The following AMOTL1 variants were observed in gnomAD, a reference collection of about 807,000 sequenced individuals.
AMOTL1 encodes angiomotin like 1, also known as angiomotin-like protein 1.
Under a neutral mutation model 102.9 loss-of-function variants are expected in AMOTL1, and 45 were observed. The observed-to-expected ratio is 0.44, with a 90% CI of 0.34 to 0.56. AMOTL1 has a LOEUF of 0.56. AMOTL1 is among the 20% of genes least tolerant of loss of function. The probability of loss-of-function intolerance (pLI) is 0.01; values close to 1 mark genes in which losing one functional copy is unlikely to be tolerated. For synonymous variants in AMOTL1, 481 were observed against 484.7 expected, an observed-to-expected ratio of 0.99 and a Z score of 0.10; for missense variants, 1,114 against 1,225.6, an observed-to-expected ratio of 0.91 and a Z score of 1.36.
chr11:94,775,211 G>A (rs1951009281), intron 1 of AMOTL1, among the ~76,000 whole-genome samples: 2 of 152,152 alleles, frequency 1.3e-5, no homozygotes, highest in African/African-American at 4.8e-5. Context: ...CTGACTGACG[G>A]TAAGTTTCAT....
At chr11:94,781,011 T>A (rs1345010879) in intron 1 of AMOTL1, among the ~76,000 whole-genome samples, 1 of 152,190 alleles carries the variant, frequency 6.6e-6, no homozygotes, top group Non-Finnish European at 1.5e-5. Flanking sequence ...TCCCCTTCAG[T>A]CATCATGTCT....
chr11:94,799,385 T>C lies in AMOTL1; in HGVS notation c.200-5T>C, dbSNP rs993078947. On this transcript the variant is annotated splice_polypyrimidine_tract_variant and splice_region_variant and intron_variant, in intron 2 of 12. Coordinates refer to ENST00000433060, the MANE Select transcript of AMOTL1 (RefSeq NM_130847.3). The surrounding 1 kb of genome is among the most constrained non-coding windows in gnomAD (Gnocchi z 4.5). ...GATATCTTTTTTCCTATGTTTATCT[T>C]TTAGTTGAAGATCCTCTTTGTAACT... 3.9e-6 allele frequency: 6 copies of C among 1,551,520 alleles called. No individual in the cohort carries two copies. The highest frequency in any genetic ancestry group is 4.4e-6 in the Non-Finnish European group (5 of 1,145,970).
intron 1 of AMOTL1, among the ~76,000 whole-genome samples, chr11:94,775,090 C>T (rs552863311): frequency 6.6e-6 from 1 of 152,094 alleles, no homozygotes; most frequent in Non-Finnish European, 1.5e-5. Context: ...TATTGTGTGG[C>T]TTAAATGACA....
chr11:94,754,549 T>C (rs999861939), intron 3 of AMOTL1, among the ~76,000 whole-genome samples: 1 of 152,216 alleles, frequency 6.6e-6, no homozygotes, highest in African/African-American at 2.4e-5. Flanking sequence ...TCCTTAAATT[T>C]GGCTCAGTAG....
chr11:94,861,261 C>T (rs147779450), intron 9 of AMOTL1, among the ~76,000 whole-genome samples: 1 of 152,148 alleles, frequency 6.6e-6, no homozygotes, highest in African/African-American at 2.4e-5. Flanking sequence ...AGTTCAGTCC[C>T]TGCAGTATAT....
chr11:94,794,716 T>C (rs1410136048), intron 1 of AMOTL1, among the ~76,000 whole-genome samples: 2 of 152,236 alleles, frequency 1.3e-5, no homozygotes, highest in Non-Finnish European at 2.9e-5. Context: ...GACTTGACTT[T>C]CGCTGGTGCT....
At chr11:94,797,733 G>A (rs996327479) in intron 2 of AMOTL1, among the ~76,000 whole-genome samples, 7 of 152,222 alleles carry the variant, frequency 4.6e-5, no homozygotes, top group Non-Finnish European at 1.0e-4. Flanking sequence ...TCCAGAGGCT[G>A]GAGAGAGCTA....
At position 94,757,569 on chromosome 11, in the gene AMOTL1, A is replaced by G. The variant is rs368742705; in HGVS notation, c.136+16581A>G. On this transcript the variant is annotated intron_variant, in intron 3 of 4. Coordinates refer to the AMOTL1 transcript ENST00000299004. ...TAATGCTTACATGGAGGCTTAATAA[A>G]TAGATCTTACTGTCTCCTATAAGAA... is the stretch of plus-strand genomic sequence containing the variant. Among the ~76,000 whole-genome samples the G allele has an allele frequency of 7.0e-4, 107 of 152,260 alleles. 1 individual carries two copies. In the South Asian group the frequency reaches 0.015, roughly 22 times the overall value.
Position 94,799,209 on chromosome 11 carries a change from C to T in AMOTL1, c.200-181C>T, listed in dbSNP as rs938027290. ...GAGAGGGAGTGCAGAATAGTAGACT[C>T]GCTTTGAATTGGAGAAGAAAATTCC... On this transcript the variant is annotated intron_variant, in intron 2 of 12. Coordinates refer to ENST00000433060, the MANE Select transcript of AMOTL1 (RefSeq NM_130847.3). This position sits in a 1 kb window ranked among gnomAD's most constrained non-coding sequence, Gnocchi z 4.5. Among the ~76,000 whole-genome samples, 13 of 152,008 alleles carry T rather than the reference C, an allele frequency of 8.6e-5. No homozygotes were observed. Among genetic ancestry groups the T allele is most frequent in the African/African-American group, 2.9e-4 (12 of 41,458 alleles).
At chr11:94,742,417 T>C (rs1031781939) in intron 3 of AMOTL1, among the ~76,000 whole-genome samples, 2 of 152,182 alleles carry the variant, frequency 1.3e-5, no homozygotes, top group Non-Finnish European at 2.9e-5. Flanking sequence ...AGGATGAGCA[T>C]TGCTTGCTCT....
chr11:94,827,675 C>T (rs1301883612), intron 4 of AMOTL1, among the ~76,000 whole-genome samples: 1 of 152,080 alleles, frequency 6.6e-6, no homozygotes, highest in African/African-American at 2.4e-5. Flanking sequence ...ATAAGGAGGC[C>T]TTTGGGAACA....
rs1952843262 is a variant in AMOTL1 at position 94,864,715 on chromosome 11, GCA to G, written c.2136-19_2136-18del. On this transcript the variant is annotated intron_variant, in intron 9 of 12. Coordinates refer to ENST00000433060, the MANE Select transcript of AMOTL1 (RefSeq NM_130847.3). ...GCAAGAAGGTTTCCTATGATCAAAC[GCA>G]TATCCTTGTGTTGCCAGGGACACCA... The G allele has an allele frequency of 6.2e-6, 10 of 1,609,888 alleles. No homozygotes were observed. The highest frequency in any genetic ancestry group is 8.5e-6 in the Non-Finnish European group (10 of 1,177,488).
At position 94,795,113 on chromosome 11, in the gene AMOTL1, C is replaced by G. The variant is rs373610108; in HGVS notation, c.152C>G (p.Thr51Arg). 6.2e-7 allele frequency: 1 copy of G among 1,613,834 alleles called. No individual in the cohort carries two copies. The highest frequency in any genetic ancestry group is 1.3e-5 in the African/African-American group (1 of 74,910). ...CAGCTCTATTCTGGGAGGCATGAAACATCTGCTTTGACGGTGGAGGCAACC... is the reference window on the plus strand; with the variant it reads ...CAGCTCTATTCTGGGAGGCATGAAAGATCTGCTTTGACGGTGGAGGCAACC... ...DFQLYSGRHE[T>R]SALTVEATSS... The change falls in exon 2 of 13, where the codon ACA (threonine) becomes AGA (arginine). Residue 51 changes from threonine to arginine, a missense_variant. Transcript: ENST00000433060.
intron 1 of AMOTL1, among the ~76,000 whole-genome samples, chr11:94,721,273 A>G (rs983290743): frequency 2.6e-5 from 4 of 152,190 alleles, no homozygotes; most frequent in Non-Finnish European, 4.4e-5. Context: ...ATGGAAAAAA[A>G]TCTAACATTT....
intron 2 of AMOTL1, among the ~76,000 whole-genome samples, chr11:94,729,610 A>T (rs1282989202): frequency 6.6e-6 from 1 of 152,128 alleles, no homozygotes. Context: ...CCATACCCTG[A>T]CACAGAGCTG....
At chr11:94,797,336 A>G (rs1012038687) in intron 2 of AMOTL1, among the ~76,000 whole-genome samples, 9 of 152,208 alleles carry the variant, frequency 5.9e-5, no homozygotes, top group African/African-American at 2.2e-4. Context: ...TTAATGCACT[A>G]CTTAATAGTC....
intron 9 of AMOTL1, among the ~76,000 whole-genome samples, chr11:94,860,889 T>C (rs1346580285): frequency 6.6e-6 from 1 of 152,180 alleles, no homozygotes; most frequent in Non-Finnish European, 1.5e-5. Context: ...GCAGAGGGGA[T>C]ACTCTTGAAG....
chr11:94,794,934 G>T, intron 1 of AMOTL1, 77 bp from the exon 2 acceptor site: 1 of 1,447,778 alleles, frequency 6.9e-7, no homozygotes, highest in South Asian at 1.5e-5. Context: ...AGAATGCCTG[G>T]TGGGTTCTTG....
intron 4 of AMOTL1, among the ~76,000 whole-genome samples, chr11:94,828,851 G>T (rs1952017555): frequency 6.6e-6 from 1 of 152,058 alleles, no homozygotes; most frequent in South Asian, 2.1e-4. Context: ...CCCAGTGAAG[G>T]GCACTAGTGC....
Sources: allele counts gnomAD v4.1 joint callset (sites outside exome capture counted in the v4.1 genomes callset), GRCh38; gene constraint gnomAD v4.1.1; non-coding constraint Gnocchi (gnomAD v3.1); transcripts MANE v1.5; gene names NCBI Gene and HGNC (gene_info 2026-07-23, HGNC 2026-07-21).